Variants in DLGAP2 observed in about 807,000 individuals in gnomAD.
The protein encoded by DLGAP2 is disks large-associated protein 2.
DLGAP2 carries 26 observed loss-of-function variants against 100.3 expected under a neutral mutation model. That is an observed-to-expected ratio of 0.26 (90% CI 0.19 to 0.36). DLGAP2 has a LOEUF of 0.36. DLGAP2 is among the 10% of genes least tolerant of loss of function. The pLI, the probability that DLGAP2 is intolerant of heterozygous loss-of-function variation, is 1.00. For synonymous variants in DLGAP2, 886 were observed against 630.1 expected, an observed-to-expected ratio of 1.41 and a Z score of -6.08; for missense variants, 1,858 against 1,453.2, an observed-to-expected ratio of 1.28 and a Z score of -4.53.
chr8:858,042 T>C (rs1270644380), intron 1 of DLGAP2, among the ~76,000 whole-genome samples: 5 of 152,042 alleles, frequency 3.3e-5, no homozygotes, highest in Non-Finnish European at 7.4e-5. Context: ...GCTAATTTTG[T>C]ATTAGGGTTT....
Position 990,326 on chromosome 8 carries a change from ATACT to A in DLGAP2, c.73+82361_73+82364del, listed in dbSNP as rs1563131770. On this transcript the variant is annotated intron_variant, in intron 2 of 14. Transcript: ENST00000637795. ...AGTGGCCCAGACCCCCTGCACCCCC[ATACT>A]CGGAGTTCCTGTTCTTCTCTCCCTC... Among the ~76,000 whole-genome samples the A allele has an allele frequency of 2.3e-3, 335 of 142,824 alleles. 4 individuals are homozygous for A. The highest frequency in any genetic ancestry group is 7.5e-3 in the African/African-American group (278 of 37,032). The allele number at this position is 142,824 out of a possible 152,430, so 93.7% of individuals were successfully genotyped here.
chr8:1,036,980 G>A (rs549359500), intron 2 of DLGAP2, among the ~76,000 whole-genome samples: 1 of 152,158 alleles, frequency 6.6e-6, no homozygotes, highest in African/African-American at 2.4e-5. Flanking sequence ...TGAATAAGGG[G>A]CCGTGGAGCC....
intron 6 of DLGAP2, 104 bp from the exon 7 acceptor site, chr8:1,626,636 G>C: frequency 6.9e-7 from 1 of 1,439,718 alleles, no homozygotes; most frequent in South Asian, 1.3e-5. Flanking sequence ...CCTCTGCCCT[G>C]TGGTGGGTGC....
intron 2 of DLGAP2, among the ~76,000 whole-genome samples, chr8:1,255,975 G>A (rs112340481): frequency 4.6e-5 from 5 of 108,718 alleles, no homozygotes; most frequent in African/African-American, 8.7e-5. Context: ...CTCATCCTGC[G>A]TGGGTGCTGT....
chr8:1,059,305 C>T (rs1406632523), intron 2 of DLGAP2, among the ~76,000 whole-genome samples: 5 of 150,894 alleles, frequency 3.3e-5, no homozygotes, highest in African/African-American at 1.2e-4. Flanking sequence ...ACCCCTGCAT[C>T]CCCTGGGTAT....
chr8:1,340,055 T>C (rs749950599), intron 3 of DLGAP2, among the ~76,000 whole-genome samples: 11 of 152,198 alleles, frequency 7.2e-5, no homozygotes, highest in South Asian at 2.1e-4. Flanking sequence ...GTGCAGAAAC[T>C]GGACCCCTTT....
chr8:1,368,377 A>G (rs1054326923), intron 3 of DLGAP2, among the ~76,000 whole-genome samples: 4 of 151,788 alleles, frequency 2.6e-5, no homozygotes, highest in African/African-American at 9.7e-5. Flanking sequence ...GTGCATGTGC[A>G]TATGTGCATG....
At chr8:1,456,476 C>T (rs7012776) in intron 3 of DLGAP2, among the ~76,000 whole-genome samples, 1 of 152,114 alleles carries the variant, frequency 6.6e-6, no homozygotes. Context: ...CACAGCGGAT[C>T]AAGAATCTGC....
chr8:823,206 A>T (rs1481291209), intron 1 of DLGAP2, among the ~76,000 whole-genome samples: 1 of 152,106 alleles, frequency 6.6e-6, no homozygotes, highest in Non-Finnish European at 1.5e-5. Context: ...TGTTGACTTC[A>T]GGCTGCCAGA....
At chr8:1,479,782 T>C (rs553124173) in intron 3 of DLGAP2, among the ~76,000 whole-genome samples, 1 of 152,310 alleles carries the variant, frequency 6.6e-6, no homozygotes, top group East Asian at 1.9e-4. Flanking sequence ...TGGCTGTTAA[T>C]TTTTGGTGTC....
At chr8:1,286,607 C>A (rs542431773) in intron 3 of DLGAP2, among the ~76,000 whole-genome samples, 6 of 152,306 alleles carry the variant, frequency 3.9e-5, no homozygotes, top group African/African-American at 1.4e-4. Flanking sequence ...TCCTCTGCTG[C>A]TGTAATGATC....
chr8:780,134 C>G (rs939561274), intron 1 of DLGAP2, among the ~76,000 whole-genome samples: 1 of 152,162 alleles, frequency 6.6e-6, no homozygotes, highest in Admixed American at 6.5e-5. Context: ...CTACATCTGC[C>G]CTTTCCTCAT....
intron 1 of DLGAP2, among the ~76,000 whole-genome samples, chr8:771,731 G>A (rs1020050414): frequency 6.6e-6 from 1 of 152,202 alleles, no homozygotes; most frequent in African/African-American, 2.4e-5. Flanking sequence ...ATCCTCAGAA[G>A]CTCCTTTATT....
chr8:1,257,724 G>T lies in DLGAP2; in HGVS notation c.74-1127G>T, dbSNP rs930107575. Among the ~76,000 whole-genome samples the T allele has an allele frequency of 2.0e-5, 3 of 151,964 alleles. No individual in the cohort carries two copies. The East Asian group carries it at 5.8e-4, about 29-fold the overall frequency. On this transcript the variant is annotated intron_variant, in intron 2 of 14. Coordinates refer to ENST00000637795, the MANE Select transcript of DLGAP2 (RefSeq NM_001346810.2). The stretch of plus-strand genomic sequence containing the variant: ...CGTGGAAGAGCCGGTGTCCTCCCGA[G>T]GGCCCGTGCAGGCCAGCGCTGACGT...
intron 2 of DLGAP2, among the ~76,000 whole-genome samples, chr8:912,827 A>C (rs1009211326): frequency 7.3e-6 from 1 of 136,470 alleles, no homozygotes; most frequent in Non-Finnish European, 1.6e-5. Flanking sequence ...CACAGTGTCC[A>C]TCTTCCTCTC....
At chr8:1,086,339 G>T (rs979787927) in intron 2 of DLGAP2, among the ~76,000 whole-genome samples, 6 of 152,004 alleles carry the variant, frequency 3.9e-5, no homozygotes, top group South Asian at 2.1e-4. Flanking sequence ...TCTTGTTTTG[G>T]GTGTCAGAGA....
intron 6 of DLGAP2, among the ~76,000 whole-genome samples, chr8:1,624,845 T>TTCTCTCTC (rs372888355): frequency 6.3e-5 from 8 of 126,162 alleles, no homozygotes; most frequent in African/African-American, 2.5e-4. Context: ...TCCCTTTGCT[T>TTCTCTCTC]TCTCTCTCTC....
At position 1,205,631 on chromosome 8, in the gene DLGAP2, T is replaced by G. The variant is rs571684311; in HGVS notation, c.74-53220T>G. On this transcript the variant is annotated intron_variant, in intron 2 of 14. Transcript: ENST00000637795. ...GGGACGTGGTGCGTGAACCAGCCTC[T>G]GCTCAGCTCGCCTCGGGAAAGGCAC... is the stretch of plus-strand genomic sequence containing the variant. Among the ~76,000 whole-genome samples the G allele has an allele frequency of 3.3e-5, 5 of 152,298 alleles. No homozygotes were observed. The South Asian group carries it at 1.0e-3, about 32-fold the overall frequency.
rs534903482 is a variant in DLGAP2, at chr8:880,749, G to A, written c.19-27163G>A. Among the ~76,000 whole-genome samples the A allele has an allele frequency of 1.2e-3, 182 of 152,360 alleles. 1 individual carries two copies. Among genetic ancestry groups the A allele is most frequent in the African/African-American group, 4.2e-3 (174 of 41,580 alleles). ...TATCTGTGCTGGGGAGACTTTGTAT[G>A]TGGGTCCTTTCTCTCCTGAGAATGT... On this transcript the variant is annotated intron_variant, in intron 1 of 14. Transcript: ENST00000637795.
Sources: allele counts gnomAD v4.1 joint callset (sites outside exome capture counted in the v4.1 genomes callset), GRCh38; gene constraint gnomAD v4.1.1; transcripts MANE v1.5; gene names NCBI Gene and HGNC (gene_info 2026-07-23, HGNC 2026-07-21).